POPDC1: variants seen among roughly 807,000 people sequenced by gnomAD.
The protein encoded by POPDC1 is popeye domain-containing protein 1.
the POPDC1 span, among the ~76,000 whole-genome samples, chr6:105,106,418 T>C: frequency 6.6e-6 from 1 of 151,884 alleles, no homozygotes; most frequent in African/African-American, 2.4e-5. Flanking sequence ...GTGCTGAGGG[T>C]GAGAAAGAAA....
chr6:105,126,021 C>T, the POPDC1 span, among the ~76,000 whole-genome samples: 8 of 151,980 alleles, frequency 5.3e-5, no homozygotes, highest in Admixed American at 2.0e-4. Flanking sequence ...GTCAGGAGTT[C>T]GAGACCAGCC....
At chr6:105,127,538 A>C in the POPDC1 span, among the ~76,000 whole-genome samples, 2 of 152,052 alleles carry the variant, frequency 1.3e-5, no homozygotes, top group African/African-American at 4.8e-5. Flanking sequence ...CTGCAGTCTC[A>C]AACTCCTGGG....
the POPDC1 span, among the ~76,000 whole-genome samples, chr6:105,123,199 C>G: frequency 1.3e-5 from 2 of 152,150 alleles, no homozygotes; most frequent in Non-Finnish European, 2.9e-5. Flanking sequence ...ATAGATTTAC[C>G]TTCTTGCCCA....
chr6:105,108,018 G>C, the POPDC1 span, among the ~76,000 whole-genome samples: 411 of 152,280 alleles, frequency 2.7e-3, 5 homozygotes, highest in African/African-American at 9.4e-3. Context: ...CAAATGCGGA[G>C]GTTGAAGTAG....
the POPDC1 span, chr6:105,116,574 A>G: frequency 4.2e-6 from 3 of 719,404 alleles, no homozygotes; most frequent in Non-Finnish European, 6.4e-6. Flanking sequence ...TCCTCTCAAG[A>G]TTACAAGTAT....
the POPDC1 span, among the ~76,000 whole-genome samples, chr6:105,116,423 C>T: frequency 6.6e-6 from 1 of 152,062 alleles, no homozygotes; most frequent in African/African-American, 2.4e-5. Context: ...TTACTCCATC[C>T]TCCACCCCCT....
At chr6:105,116,768 C>G in the POPDC1 span, 4 of 1,612,080 alleles carry the variant, frequency 2.5e-6, no homozygotes, top group Non-Finnish European at 3.4e-6. Flanking sequence ...AATAAGATAC[C>G]TAAAGATTTC....
the POPDC1 span, among the ~76,000 whole-genome samples, chr6:105,135,703 C>T: frequency 1.3e-5 from 2 of 151,882 alleles, no homozygotes; most frequent in African/African-American, 4.8e-5. Context: ...TTTTGACGCA[C>T]GACACCTTAT....
chr6:105,098,389 A>T, the POPDC1 span: 1 of 152,180 alleles, frequency 6.6e-6, no homozygotes, highest in Non-Finnish European at 1.5e-5. Context: ...CTCTTTTAAG[A>T]TTCCTAATCT....
At chr6:105,115,939 T>A in the POPDC1 span, 6 of 1,024,034 alleles carry the variant, frequency 5.9e-6, no homozygotes, top group Non-Finnish European at 8.3e-6. Flanking sequence ...AAAAAAAGAA[T>A]ACCTGATACA....
chr6:105,101,356 C>A, the POPDC1 span: 1 of 926,906 alleles, frequency 1.1e-6, no homozygotes, highest in Non-Finnish European at 1.5e-6. Flanking sequence ...TTTCCATAAA[C>A]CATTCTATTT....
At chr6:105,122,587 C>A in the POPDC1 span, among the ~76,000 whole-genome samples, 1 of 152,140 alleles carries the variant, frequency 6.6e-6, no homozygotes, top group Non-Finnish European at 1.5e-5. Flanking sequence ...AAATCCCAGT[C>A]TCTTCAGGAT....
the POPDC1 span, chr6:105,115,601 AT>A: frequency 6.8e-7 from 1 of 1,471,156 alleles, no homozygotes; most frequent in Admixed American, 2.2e-5. Flanking sequence ...CTGCAAAGTT[AT>A]TTTTCTAATC....
chr6:105,118,658 C>G, the POPDC1 span, among the ~76,000 whole-genome samples: 1 of 152,232 alleles, frequency 6.6e-6, no homozygotes, highest in East Asian at 1.9e-4. Flanking sequence ...AACTATAGAA[C>G]AGGGGAAAGT....
At chr6:105,109,705 G>A in the POPDC1 span, among the ~76,000 whole-genome samples, 3 of 135,362 alleles carry the variant, frequency 2.2e-5, no homozygotes, top group African/African-American at 2.7e-5. Context: ...CGGAAGATGC[G>A]GCGAGCTGTG....
At chr6:105,117,019 G>T in the POPDC1 span, 1 of 755,012 alleles carries the variant, frequency 1.3e-6, no homozygotes, top group South Asian at 2.0e-5. Context: ...ATGCACACAA[G>T]CTTCTACACG....
the POPDC1 span, among the ~76,000 whole-genome samples, chr6:105,105,318 C>G: frequency 6.6e-6 from 1 of 152,206 alleles, no homozygotes; most frequent in African/African-American, 2.4e-5. Flanking sequence ...GCCAACCCCT[C>G]GCTTGGAATT....
chr6:105,134,402 T>C, the POPDC1 span, among the ~76,000 whole-genome samples: 1 of 152,192 alleles, frequency 6.6e-6, no homozygotes, highest in Non-Finnish European at 1.5e-5. Context: ...CTATGTTACC[T>C]GTCTTCGGTC....
the POPDC1 span, chr6:105,097,297 T>C: frequency 1.3e-5 from 2 of 152,008 alleles, no homozygotes; most frequent in African/African-American, 2.4e-5. Flanking sequence ...GAAACCAGGA[T>C]TGGAAAGAGG....
Sources: gnomAD v4.1 joint callset for allele counts (sites outside exome capture counted in the v4.1 genomes callset) on GRCh38, gnomAD v4.1.1 for gene constraint, MANE v1.5 for transcripts, NCBI Gene and HGNC (gene_info 2026-07-23, HGNC 2026-07-21) for gene names.